CACNA1C: variants seen among roughly 807,000 people sequenced by gnomAD.
The protein encoded by CACNA1C is voltage-dependent L-type calcium channel subunit alpha-1C.
A neutral mutation model predicts 229.0 loss-of-function variants in CACNA1C; 30 were observed. The ratio of observed to expected loss-of-function variants is 0.13; its 90% confidence interval spans 0.10 to 0.18. CACNA1C has a LOEUF of 0.18. CACNA1C is among the 10% of genes least tolerant of loss of function. The pLI, the probability that CACNA1C is intolerant of heterozygous loss-of-function variation, is 1.00. For synonymous variants in CACNA1C, 1,114 were observed against 1,132.5 expected (o/e 0.98, Z 0.33); for missense variants, 1,658 against 2,845.0 (o/e 0.58, Z 9.49).
intron 10 of CACNA1C, 96 bp downstream of exon 10, chr12:2,550,129 G>T: frequency 1.1e-6 from 1 of 885,870 alleles, no homozygotes. Flanking sequence ...CTCATCACTA[G>T]GAAGGGCAGA....
intron 1 of CACNA1C, among the ~76,000 whole-genome samples, chr12:2,079,619 C>T (rs1273501549): frequency 1.3e-5 from 2 of 152,112 alleles, no homozygotes; most frequent in Non-Finnish European, 2.9e-5. Context: ...ACTGGGAGTC[C>T]AGTGCTTCAA....
In CACNA1C at chr12:2,240,754, G is replaced by GTGGCCTCCTTA. The variant is rs1555354896; in HGVS notation, c.477+120333_477+120334insTATGGCCTCCT. On this transcript the variant is annotated intron_variant, in intron 3 of 46. Coordinates refer to ENST00000399655, the MANE Select transcript of CACNA1C (RefSeq NM_000719.7). ...TTAGCACATGGTTAGGTGGGCACGCGTGGCCTCCTCTTCCACCTCTCTTTT... is the reference window on the plus strand; with the variant it reads ...TTAGCACATGGTTAGGTGGGCACGCGTGGCCTCCTTATGGCCTCCTCTTCCACCTCTCTTTT... Among the ~76,000 whole-genome samples, 37 of 152,036 alleles carry GTGGCCTCCTTA rather than the reference G, an allele frequency of 2.4e-4. No homozygotes were observed. In the East Asian group the frequency reaches 6.2e-3, roughly 26 times the overall value.
At chr12:2,495,509 CCTT>C (rs1431231184) in intron 7 of CACNA1C, among the ~76,000 whole-genome samples, 12 of 152,336 alleles carry the variant, frequency 7.9e-5, no homozygotes, top group African/African-American at 2.9e-4. Flanking sequence ...TTCACCACTC[CCTT>C]CTTCTCCCAC....
intron 1 of CACNA1C, among the ~76,000 whole-genome samples, chr12:1,983,658 G>C (rs908762623): frequency 6.6e-6 from 1 of 151,692 alleles, no homozygotes; most frequent in Non-Finnish European, 1.5e-5. Flanking sequence ...TTTATCTTGG[G>C]GAATGTTTCA....
chr12:2,477,478 G>A (rs1409248593), intron 5 of CACNA1C, among the ~76,000 whole-genome samples: 1 of 152,148 alleles, frequency 6.6e-6, no homozygotes, highest in African/African-American at 2.4e-5. Flanking sequence ...TTATCTGCGA[G>A]TCATCCTACA....
intron 3 of CACNA1C, among the ~76,000 whole-genome samples, chr12:2,124,955 G>A (rs2154157287): frequency 6.6e-6 from 1 of 152,220 alleles, no homozygotes; most frequent in Non-Finnish European, 1.5e-5. Flanking sequence ...TGGAGACTTG[G>A]GGGCAACAGG....
chr12:2,279,848 G>C lies in CACNA1C; in HGVS notation c.477+159418G>C, dbSNP rs556588834. 5.3e-5 allele frequency among the ~76,000 whole-genome samples: 8 copies of C among 152,300 alleles called. No homozygotes were observed. The South Asian group carries it at 1.5e-3, about 28-fold the overall frequency. ...GATTTAAAGCATATGGAGGGATGTGGATAGGTTATATGCAAATATCATACC... is the reference window on the plus strand; with the variant it reads ...GATTTAAAGCATATGGAGGGATGTGCATAGGTTATATGCAAATATCATACC... On this transcript the variant is annotated intron_variant, in intron 3 of 46. Coordinates refer to ENST00000399655, the MANE Select transcript of CACNA1C (RefSeq NM_000719.7).
chr12:2,312,334 G>A (rs922679893), intron 3 of CACNA1C, among the ~76,000 whole-genome samples: 8 of 152,266 alleles, frequency 5.3e-5, no homozygotes, highest in Non-Finnish European at 7.4e-5. Context: ...TGGGGCAGGC[G>A]TGCGGGTGTG....
chr12:2,514,832 C>T (rs1417000530), intron 9 of CACNA1C, among the ~76,000 whole-genome samples: 2 of 151,970 alleles, frequency 1.3e-5, no homozygotes, highest in African/African-American at 4.8e-5. Context: ...TGCTGCTTCT[C>T]CATCTAACCC....
upstream of CACNA1C, among the ~76,000 whole-genome samples, chr12:2,052,222 A>G (rs556158251): frequency 6.6e-6 from 1 of 152,300 alleles, no homozygotes; most frequent in South Asian, 2.1e-4. Context: ...GGCTGCCTCC[A>G]AGGAATTATT....
At chr12:2,565,185 C>G (rs1423440100) in intron 11 of CACNA1C, among the ~76,000 whole-genome samples, 1 of 152,204 alleles carries the variant, frequency 6.6e-6, no homozygotes, top group Non-Finnish European at 1.5e-5. Flanking sequence ...ATACCCAACC[C>G]CGGCCGGGCG....
At chr12:2,289,870 T>C (rs1428714075) in intron 3 of CACNA1C, among the ~76,000 whole-genome samples, 2 of 152,200 alleles carry the variant, frequency 1.3e-5, no homozygotes, top group African/African-American at 4.8e-5. Context: ...AAGAGGAAAT[T>C]CGCGTCAAGT....
chr12:2,563,508 G>A (rs1175674170), intron 11 of CACNA1C, among the ~76,000 whole-genome samples: 2 of 152,164 alleles, frequency 1.3e-5, no homozygotes, highest in East Asian at 3.9e-4. Flanking sequence ...GCAGAACACT[G>A]CCTGGATTAA....
rs376936843 is a variant in CACNA1C, at chr12:2,437,052, T to C, written c.478-11924T>C. 1.0e-3 allele frequency among the ~76,000 whole-genome samples: 158 copies of C among 152,384 alleles called. 2 individuals carry two copies. The South Asian group carries it at 0.03, about 29-fold the overall frequency. On this transcript the variant is annotated intron_variant, in intron 3 of 46. Transcript: ENST00000399655. Reference sequence around the variant, plus strand: ...GTGCTGGTATGCCTCTCTGTCTTTCTGAATCAATGAGAAAATTTCCCTTCA... The same window carrying C: ...GTGCTGGTATGCCTCTCTGTCTTTCCGAATCAATGAGAAAATTTCCCTTCA...
intron 3 of CACNA1C, among the ~76,000 whole-genome samples, chr12:2,124,015 A>G (rs1015236993): frequency 6.6e-6 from 1 of 151,284 alleles, no homozygotes; most frequent in Non-Finnish European, 1.5e-5. Flanking sequence ...ATCCTTGTCA[A>G]CCTAACCCAG....
chr12:2,120,296 G>A (rs375212916), intron 2 of CACNA1C, 29 bp from the exon 3 acceptor site: 2 of 994,634 alleles, frequency 2.0e-6, no homozygotes, highest in Non-Finnish European at 3.3e-6. Flanking sequence ...ACTTTCTGTG[G>A]CATTAACTTC....
intron 5 of CACNA1C, among the ~76,000 whole-genome samples, chr12:2,459,864 C>T (rs2099487676): frequency 6.6e-6 from 1 of 152,186 alleles, no homozygotes; most frequent in South Asian, 2.1e-4. Flanking sequence ...TATTAGGGGC[C>T]TGCAATTTTT....
At chr12:2,347,044 G>A (rs1364488204) in intron 3 of CACNA1C, among the ~76,000 whole-genome samples, 1 of 152,124 alleles carries the variant, frequency 6.6e-6, no homozygotes, top group Admixed American at 6.5e-5. Flanking sequence ...CTTTGTGTAG[G>A]ATCACACCGC....
chr12:2,159,356 G>A (rs1167590624), intron 3 of CACNA1C, among the ~76,000 whole-genome samples: 22 of 152,000 alleles, frequency 1.4e-4, no homozygotes. Context: ...TTAGCTGGGT[G>A]TGGTAACGTG....
Sources: allele counts gnomAD v4.1 joint callset (sites outside exome capture counted in the v4.1 genomes callset), GRCh38; gene constraint gnomAD v4.1.1; transcripts MANE v1.5; gene names NCBI Gene and HGNC (gene_info 2026-07-23, HGNC 2026-07-21).